DOC2B: variants seen among roughly 807,000 people sequenced by gnomAD.
DOC2B encodes double C2 domain beta, also known as double C2-like domain-containing protein beta.
Under a neutral mutation model 28.9 loss-of-function variants are expected in DOC2B, and 21 were observed. The observed-to-expected ratio is 0.73, with a 90% CI of 0.52 to 1.05. The LOEUF is 1.05. Among genes scored for constraint, DOC2B ranks in the 50% least tolerant of loss-of-function variants. The pLI is 0.00. For missense variants in DOC2B, 384 were observed against 421.1 expected (o/e 0.91, Z 0.77); for synonymous variants, 194 against 178.1 (o/e 1.09, Z -0.71).
At chr17:155,884 C>G in intron 6 of DOC2B, 1 of 324,536 alleles carries the variant, frequency 3.1e-6, no homozygotes, top group Non-Finnish European at 5.6e-6. Flanking sequence ...TGGCTACCCC[C>G]GGCACTGGCC....
chr17:176,793 C>T (rs1406682882), intron 1 of DOC2B, among the ~76,000 whole-genome samples: 1 of 152,192 alleles, frequency 6.6e-6, no homozygotes, highest in Non-Finnish European at 1.5e-5. Flanking sequence ...AAGTTTACAT[C>T]TTCGGAAAAA....
At chr17:156,504 T>A (rs1414815477) in intron 5 of DOC2B, 127 bp from the exon 6 acceptor site, 2 of 1,000,020 alleles carry the variant, frequency 2.0e-6, no homozygotes. Context: ...CCCTGGTGAG[T>A]GGCCTCACTG....
Position 143,691 on chromosome 17 carries a change from G to C in DOC2B, c.*3750C>G, listed in dbSNP as rs2039999059. 1 of 152,040 alleles carries C rather than the reference G, an allele frequency of 6.6e-6. No individual in the cohort carries two copies. Among genetic ancestry groups the C allele is most frequent in the Non-Finnish European group, 1.5e-5 (1 of 68,040 alleles). 9.4% of individuals were successfully genotyped at this position (152,040 alleles called of 1,614,324 possible). A position where few individuals can be genotyped will look rare whatever the true frequency, so the allele number is the denominator to read the frequency against. ...GGTGAGAGTCTCGCCAAGGCAATGA[G>C]ATCGCAATATGACGTTTCCATTTAC... On this transcript the variant is annotated 3_prime_UTR_variant, in exon 9 of 9. Transcript: ENST00000613549.
Position 181,453 on chromosome 17 carries a change from C to A in DOC2B, c.27G>T (p.Lys9Asn). ...TATGCTCCTGGATGCTGATGGTCGC[C>A]TTCTCCCCGCGCCGCCGGAGGGTCA... MTLRRRGE[K>N]ATISIQEHMA... The change falls in exon 1 of 9, where the codon AAG becomes AAT. Residue 9 changes from lysine (K) to asparagine (N), a missense_variant. Physicochemically the swap from Lys to Asn is moderately conservative, Grantham distance 94. Transcript: ENST00000613549. This position sits in a 1 kb window ranked among gnomAD's most constrained non-coding sequence, Gnocchi z 7.0. The A allele has an allele frequency of 8.8e-7, 1 of 1,142,396 alleles. No individual in the cohort carries two copies. The highest frequency in any genetic ancestry group is 7.0e-5 in the East Asian group (1 of 14,190). The allele number at this position is 1,142,396 out of a possible 1,614,324, so 70.8% of individuals were successfully genotyped here. A position where few individuals can be genotyped will look rare whatever the true frequency, so the allele number is the denominator to read the frequency against.
In DOC2B at chr17:181,492, GC is replaced by G; in HGVS notation, c.-14del. Reference sequence around the variant, plus strand: ...GCCGGAGGGTCATGCAGGCAGCGCCGCCCCGCCCCGGGCGCGGCCCGGCCCG... The same window carrying G: ...GCCGGAGGGTCATGCAGGCAGCGCCGCCCGCCCCGGGCGCGGCCCGGCCCG... On this transcript the variant is annotated 5_prime_UTR_variant, in exon 1 of 9. Transcript: ENST00000613549. This position sits in a 1 kb window ranked among gnomAD's most constrained non-coding sequence, Gnocchi z 7.0. The G allele has an allele frequency of 9.8e-7, 1 of 1,018,526 alleles. No individual in the cohort carries two copies. Among genetic ancestry groups the G allele is most frequent in the Non-Finnish European group, 1.2e-6 (1 of 853,990 alleles). 63.1% of individuals were successfully genotyped at this position (1,018,526 alleles called of 1,614,324 possible).
At chr17:162,267 T>TGCTCATC in intron 3 of DOC2B, 77 bp from the exon 4 acceptor site, 1 of 1,062,702 alleles carries the variant, frequency 9.4e-7, no homozygotes, top group Non-Finnish European at 1.4e-6. Context: ...GATGGCCACG[T>TGCTCATC]GCTCATCTTG....
intron 1 of DOC2B, among the ~76,000 whole-genome samples, chr17:175,884 C>A (rs750230859): frequency 1.3e-5 from 2 of 152,176 alleles, no homozygotes; most frequent in Non-Finnish European, 2.9e-5. Flanking sequence ...AAACTGACAC[C>A]CGTCACCACC....
intron 1 of DOC2B, among the ~76,000 whole-genome samples, chr17:177,781 C>T (rs1435372836): frequency 2.6e-5 from 4 of 152,248 alleles, no homozygotes; most frequent in Non-Finnish European, 5.9e-5. Context: ...TGACTGGGGC[C>T]AAAGAGGTTC....
At chr17:177,183 G>A (rs893932050) in intron 1 of DOC2B, among the ~76,000 whole-genome samples, 2 of 152,130 alleles carry the variant, frequency 1.3e-5, no homozygotes, top group Non-Finnish European at 2.9e-5. Context: ...CGGCACTGCA[G>A]GGGGGACAGA....
chr17:149,646 C>T (rs2040051873), intron 6 of DOC2B, among the ~76,000 whole-genome samples: 1 of 152,180 alleles, frequency 6.6e-6, no homozygotes, highest in South Asian at 2.1e-4. Flanking sequence ...GCTGGGACTA[C>T]AGGCATGTGC....
intron 1 of DOC2B, among the ~76,000 whole-genome samples, chr17:173,429 A>T (rs146273114): frequency 6.6e-6 from 1 of 152,276 alleles, no homozygotes; most frequent in Non-Finnish European, 1.5e-5. Flanking sequence ...ACATTCACAG[A>T]TGGCTTCAGA....
chr17:148,183 G>A lies in DOC2B; in HGVS notation c.1092C>T (p.Asn364=), dbSNP rs1290310409. Residue 364 remains asparagine, a synonymous_variant, in exon 8 of 9, where the codon AAC becomes AAT. Transcript: ENST00000613549. ...ACTATGCCCCCTTACCAATGAAATCGTTGGATTTTCCAATGTCGTAATCCC... is the reference window on the plus strand; with the variant it reads ...ACTATGCCCCCTTACCAATGAAATCATTGGATTTTCCAATGTCGTAATCCC... ...TVWDYDIGKS[N]DFIGGVVLGI... 5.5e-5 allele frequency: 22 copies of A among 398,480 alleles called. No homozygotes were observed. Among genetic ancestry groups the A allele is most frequent in the East Asian group, 1.1e-4 (3 of 28,064 alleles). 24.7% of individuals were successfully genotyped at this position (398,480 alleles called of 1,614,324 possible).
At chr17:168,715 C>G (rs34461226) in intron 2 of DOC2B, among the ~76,000 whole-genome samples, 32,530 of 49,818 alleles carry the variant, frequency 0.65, 13,203 homozygotes, top group East Asian at 0.86. Context: ...GTCTGACACT[C>G]TTCTTGAGGT....
intron 1 of DOC2B, among the ~76,000 whole-genome samples, chr17:178,762 G>C (rs774110178): frequency 3.9e-5 from 6 of 152,254 alleles, no homozygotes; most frequent in African/African-American, 1.2e-4. Flanking sequence ...TTGGACAACA[G>C]AGCAACCGCC....
intron 8 of DOC2B, 129 bp downstream of exon 8, chr17:148,044 G>A (rs993731541): frequency 5.0e-6 from 2 of 396,410 alleles, no homozygotes; most frequent in Non-Finnish European, 8.9e-6. Flanking sequence ...GCTGGAGAAG[G>A]TCTGAGGCCC....
At chr17:176,066 C>G (rs149300745) in intron 1 of DOC2B, among the ~76,000 whole-genome samples, 1,600 of 152,276 alleles carry the variant, frequency 0.011, 26 homozygotes, top group African/African-American at 0.036. Context: ...CTCTTCATTT[C>G]CCTTTAGAGA....
intron 2 of DOC2B, among the ~76,000 whole-genome samples, chr17:170,072 C>A (rs2151472156): frequency 6.6e-6 from 1 of 152,274 alleles, no homozygotes; most frequent in South Asian, 2.1e-4. Context: ...GGGCTTTGGC[C>A]AGAGTGGCCT....
chr17:155,138 CA>C (rs2040119387), intron 6 of DOC2B, among the ~76,000 whole-genome samples: 1 of 152,146 alleles, frequency 6.6e-6, no homozygotes, highest in African/African-American at 2.4e-5. Flanking sequence ...ACTACAGGGA[CA>C]TGCCACTACA....
rs545803645 is a variant in DOC2B, at chr17:173,157, G to A, written c.374-541C>T. On this transcript the variant is annotated intron_variant, in intron 1 of 8. Coordinates refer to ENST00000613549, the MANE Select transcript of DOC2B (RefSeq NM_003585.5). ...CGAGCAGGCCGTGAGGAGCCAGCTG[G>A]GTCCTCATACTGCTGCCCCCAAGTC... is the stretch of plus-strand genomic sequence containing the variant. Among the ~76,000 whole-genome samples, 50 of 152,286 alleles carry A rather than the reference G, an allele frequency of 3.3e-4. 1 individual carries two copies. Among genetic ancestry groups the A allele is most frequent in the African/African-American group, 1.2e-3 (49 of 41,554 alleles).
Sources: allele counts gnomAD v4.1 joint callset (sites outside exome capture counted in the v4.1 genomes callset), GRCh38; gene constraint gnomAD v4.1.1; non-coding constraint Gnocchi (gnomAD v3.1); transcripts MANE v1.5; gene names NCBI Gene and HGNC (gene_info 2026-07-23, HGNC 2026-07-21).